MAP2K5: variants seen among roughly 807,000 people sequenced by gnomAD.
The protein encoded by MAP2K5 is mitogen-activated protein kinase kinase 5.
A neutral mutation model predicts 83.1 loss-of-function variants in MAP2K5; 49 were observed. The ratio of observed to expected loss-of-function variants is 0.59; its 90% CI spans 0.47 to 0.75. The LOEUF (loss-of-function observed/expected upper bound fraction) is 0.75. Ranked by LOEUF, MAP2K5 falls within the 30% of genes least tolerant of loss-of-function variation. The pLI is 0.00. For missense variants in MAP2K5, 457 were observed against 557.5 expected, an observed-to-expected ratio of 0.82 and a Z score of 1.82; for synonymous variants, 202 against 191.8, an observed-to-expected ratio of 1.05 and a Z score of -0.44.
chr15:67,751,897 C>A (rs554111033), intron 19 of MAP2K5, among the ~76,000 whole-genome samples: 1 of 152,284 alleles, frequency 6.6e-6, no homozygotes, highest in East Asian at 1.9e-4. Flanking sequence ...GCCCTTTGCC[C>A]CCAGGCTAAC....
intron 1 of MAP2K5, among the ~76,000 whole-genome samples, chr15:67,545,695 C>T (rs1438447343): frequency 6.6e-6 from 1 of 152,138 alleles, no homozygotes; most frequent in African/African-American, 2.4e-5. Flanking sequence ...GGTTGTTTAA[C>T]TTGCAAGTTG....
chr15:67,662,609 G>T (rs531464820), intron 12 of MAP2K5, among the ~76,000 whole-genome samples: 6 of 152,086 alleles, frequency 3.9e-5, no homozygotes, highest in African/African-American at 1.4e-4. Flanking sequence ...TCCTTTTATA[G>T]CAATTTATAC....
At chr15:67,595,346 T>C (rs2085500969) in intron 7 of MAP2K5, among the ~76,000 whole-genome samples, 1 of 152,238 alleles carries the variant, frequency 6.6e-6, no homozygotes, top group Non-Finnish European at 1.5e-5. Flanking sequence ...GTCTCTGCTC[T>C]ATAAAGTGGG....
At chr15:67,650,892 A>G (rs913931217) in intron 11 of MAP2K5, among the ~76,000 whole-genome samples, 3 of 152,308 alleles carry the variant, frequency 2.0e-5, no homozygotes, top group African/African-American at 7.2e-5. Flanking sequence ...GAAAGAGTTT[A>G]TGAAGGATTC....
At chr15:67,575,916 C>CT (rs71142381) in intron 3 of MAP2K5, among the ~76,000 whole-genome samples, 33 of 135,760 alleles carry the variant, frequency 2.4e-4, no homozygotes, top group African/African-American at 8.8e-4. Context: ...TTCTTTCTTT[C>CT]TTTTTTTTTT....
chr15:67,658,701 C>G, intron 12 of MAP2K5, 87 bp downstream of exon 12: 1 of 1,209,160 alleles, frequency 8.3e-7, no homozygotes. Context: ...AATGTTTTTT[C>G]TTGTTCTTCA....
At chr15:67,589,065 A>T (rs1172653078) in intron 6 of MAP2K5, among the ~76,000 whole-genome samples, 1 of 151,956 alleles carries the variant, frequency 6.6e-6, no homozygotes, top group Non-Finnish European at 1.5e-5. Flanking sequence ...GGCTAGTCTC[A>T]AACTCCTGGC....
rs1406176919 is a variant in MAP2K5 at position 67,677,696 on chromosome 15, C to G, written c.847+13051C>G. 6.6e-6 allele frequency among the ~76,000 whole-genome samples: 1 copy of G among 152,204 alleles called. No homozygotes were observed. The highest frequency in any genetic ancestry group is 6.5e-5 in the Admixed American group (1 of 15,282). ...CTCCAGACCTGGCTTTTCCTAAACACTGACCAGAATATGTACACATCACAG... is the reference window on the plus strand; with the variant it reads ...CTCCAGACCTGGCTTTTCCTAAACAGTGACCAGAATATGTACACATCACAG... On this transcript the variant is annotated intron_variant, in intron 13 of 21. Transcript: ENST00000178640. This position sits in a 1 kb window ranked among gnomAD's most constrained non-coding sequence, Gnocchi z 4.2.
chr15:67,592,720 T>C (rs28637534), intron 6 of MAP2K5, among the ~76,000 whole-genome samples: 152,319 of 152,338 alleles, frequency 1, 76,150 homozygotes, highest in Non-Finnish European at 1. Context: ...TTATTGCTTT[T>C]GATTACTAAC....
In MAP2K5 at chr15:67,590,484, T is replaced by TTTTTGAGA. The variant is rs949300182; in HGVS notation, c.432-2441_432-2434dup. On this transcript the variant is annotated intron_variant, in intron 6 of 21. Coordinates refer to ENST00000178640, the MANE Select transcript of MAP2K5 (RefSeq NM_145160.3). ...CTCTCTCTCTCTCTCTCTTTGTTTC[T>TTTTTGAGA]TTTTGAGACAGGGTCTCATTGCTGT... Among the ~76,000 whole-genome samples the TTTTTGAGA allele has an allele frequency of 6.3e-5, 9 of 143,100 alleles. No homozygotes were observed. In the South Asian group the frequency reaches 2.3e-3, roughly 37 times the overall value. The allele number at this position is 143,100 out of a possible 152,430, so 93.9% of individuals were successfully genotyped here. A position where few individuals can be genotyped will look rare whatever the true frequency, so the allele number is the denominator to read the frequency against.
rs1424382517 is a variant in MAP2K5, at chr15:67,665,910, A to G, written c.847+1265A>G. Among the ~76,000 whole-genome samples, 3 of 152,146 alleles carry G rather than the reference A, an allele frequency of 2.0e-5. No homozygotes were observed. The highest frequency in any genetic ancestry group is 7.2e-5 in the African/African-American group (3 of 41,436). On this transcript the variant is annotated intron_variant, in intron 13 of 21. Transcript: ENST00000178640. The surrounding 1 kb of genome is among the most constrained non-coding windows in gnomAD (Gnocchi z 4.2). ...GTAAGAGATAACAGTATTCAACATGATATAACTTATATTGTTTCTATTCCC... is the reference window on the plus strand; with the variant it reads ...GTAAGAGATAACAGTATTCAACATGGTATAACTTATATTGTTTCTATTCCC...
At position 67,779,273 on chromosome 15, in the gene MAP2K5, C is replaced by A. The variant is rs551969321; in HGVS notation, c.1242+6521C>A. Among the ~76,000 whole-genome samples, 1 of 152,240 alleles carries A rather than the reference C, an allele frequency of 6.6e-6. No individual in the cohort carries two copies. The highest frequency in any genetic ancestry group is 1.9e-4 in the East Asian group (1 of 5,188). ...GTTTGTGTCTGCTTATAAAGAGGAA[C>A]CCACTAGTAAAGAAGTTGATTTTAG... On this transcript the variant is annotated intron_variant, in intron 21 of 21. Transcript: ENST00000178640. This position sits in a 1 kb window ranked among gnomAD's most constrained non-coding sequence, Gnocchi z 4.6.
intron 8 of MAP2K5, among the ~76,000 whole-genome samples, chr15:67,603,300 A>G (rs769999228): frequency 1.1e-4 from 16 of 152,198 alleles, no homozygotes; most frequent in Non-Finnish European, 1.9e-4. Flanking sequence ...AATTAGGGCT[A>G]CTATGTCAAA....
At chr15:67,688,481 T>G (rs2088015934) in intron 13 of MAP2K5, among the ~76,000 whole-genome samples, 1 of 152,210 alleles carries the variant, frequency 6.6e-6, no homozygotes, top group Non-Finnish European at 1.5e-5. Flanking sequence ...AAACATCACA[T>G]TGGTTTTACA....
rs372495824 is a variant in MAP2K5, at chr15:67,563,338, A to G, written c.240A>G (p.Ala80=). The change falls in exon 3 of 22, where the codon GCA becomes GCG. Residue 80 remains alanine (A), a synonymous_variant. Transcript: ENST00000178640. The surrounding 1 kb of genome is among the most constrained non-coding windows in gnomAD (Gnocchi z 4.5). ...ITVRSDEEMK[A]MLSYYYSTVM... ...TGAGAAGTGATGAGGAAATGAAGGC[A>G]ATGCTGTCATATGTAAGTATACGAC... 9 of 1,611,166 alleles carry G rather than the reference A, an allele frequency of 5.6e-6. No homozygotes were observed. In the African/African-American group the frequency reaches 1.1e-4, roughly 19 times the overall value.
rs2084994125 is a variant in MAP2K5 at position 67,573,636 on chromosome 15, C to G, written c.253-7118C>G. Among the ~76,000 whole-genome samples, 3 of 151,972 alleles carry G rather than the reference C, an allele frequency of 2.0e-5. No individual in the cohort carries two copies. In the South Asian group the frequency reaches 6.2e-4, roughly 32 times the overall value. ...GGCTGCGACCTGCTGGGCCGCAGCC[C>G]CAGGAAGTCAGGCATTCTTAGTTAC... On this transcript the variant is annotated intron_variant, in intron 3 of 21. Coordinates refer to ENST00000178640, the MANE Select transcript of MAP2K5 (RefSeq NM_145160.3). This position sits in a 1 kb window ranked among gnomAD's most constrained non-coding sequence, Gnocchi z 4.2.
At chr15:67,579,761 G>A (rs879527629) in intron 3 of MAP2K5, among the ~76,000 whole-genome samples, 4 of 152,056 alleles carry the variant, frequency 2.6e-5, no homozygotes, top group East Asian at 1.9e-4. Context: ...GAAGATATAT[G>A]TGATATCTTC....
At chr15:67,766,757 A>G (rs2090049274) in intron 19 of MAP2K5, among the ~76,000 whole-genome samples, 1 of 152,216 alleles carries the variant, frequency 6.6e-6, no homozygotes, top group Non-Finnish European at 1.5e-5. Flanking sequence ...AGTGCAGAGA[A>G]CACTCTCAGG....
chr15:67,772,589 GA>G, intron 20 of MAP2K5, 117 bp from the exon 21 acceptor site: 1 of 592,926 alleles, frequency 1.7e-6, no homozygotes, highest in South Asian at 3.6e-5. Flanking sequence ...GCCAAGAATT[GA>G]ACATGATGTA....
Sources: gnomAD v4.1 joint callset for allele counts (sites outside exome capture counted in the v4.1 genomes callset) on GRCh38, gnomAD v4.1.1 for gene constraint, Gnocchi (gnomAD v3.1) non-coding constraint, MANE v1.5 for transcripts, NCBI Gene and HGNC (gene_info 2026-07-23, HGNC 2026-07-21) for gene names.